ROBO2: variants seen among roughly 807,000 people sequenced by gnomAD.
ROBO2 encodes the protein roundabout homolog 2.
In ROBO2, 53 loss-of-function variants were observed where a neutral mutation model predicts 160.8. The ratio of observed to expected loss-of-function variants is 0.33; its 90% CI spans 0.26 to 0.41. The LOEUF (loss-of-function observed/expected upper bound fraction) is 0.41. Among genes scored for constraint, ROBO2 ranks in the 10% least tolerant of loss-of-function variants. The pLI is 1.00. For missense variants in ROBO2, 1,577 were observed against 1,722.4 expected (o/e 0.92, Z 1.49); for synonymous variants, 664 against 611.7 (o/e 1.09, Z -1.26).
chr3:77,507,820 T>C (rs2088781980), intron 5 of ROBO2, among the ~76,000 whole-genome samples: 1 of 152,108 alleles, frequency 6.6e-6, no homozygotes, highest in Admixed American at 6.6e-5. Flanking sequence ...TTTGTATTTT[T>C]AACAGTAAAT....
intron 2 of ROBO2, among the ~76,000 whole-genome samples, chr3:76,031,336 T>C (rs570649451): frequency 6.6e-6 from 1 of 152,314 alleles, no homozygotes; most frequent in East Asian, 1.9e-4. Context: ...CCTCTTTTCC[T>C]AATTGAATAC....
At chr3:77,448,720 C>T (rs562131252) in intron 2 of ROBO2, among the ~76,000 whole-genome samples, 12 of 151,594 alleles carry the variant, frequency 7.9e-5, no homozygotes, top group Non-Finnish European at 1.5e-4. Flanking sequence ...GGCAGCTTCT[C>T]GGGGGAACTG....
rs184137265 is a variant in ROBO2 at position 76,521,883 on chromosome 3, G to A, written c.110-576131G>A. Among the ~76,000 whole-genome samples the A allele has an allele frequency of 6.7e-4, 102 of 152,212 alleles. No individual in the cohort carries two copies. The Middle Eastern group carries it at 0.01, about 15-fold the overall frequency. On this transcript the variant is annotated intron_variant, in intron 2 of 26. Coordinates refer to the ROBO2 transcript ENST00000487694. ...AGTTTTTTATATATAAACTAGGAAA[G>A]GTGATCAATGTTTATAAGCCACGTG...
chr3:76,616,299 A>T (rs1375050076), intron 2 of ROBO2, among the ~76,000 whole-genome samples: 1 of 152,150 alleles, frequency 6.6e-6, no homozygotes, highest in African/African-American at 2.4e-5. Context: ...ATCTTGGAAA[A>T]TTTTAAAAGC....
chr3:76,046,376 G>A (rs577797931), intron 2 of ROBO2, among the ~76,000 whole-genome samples: 11 of 152,128 alleles, frequency 7.2e-5, no homozygotes, highest in African/African-American at 2.4e-4. Context: ...CTGGCCGGGC[G>A]CGGTGGCTCA....
intron 2 of ROBO2, among the ~76,000 whole-genome samples, chr3:76,142,752 G>T (rs180727409): frequency 6.6e-6 from 1 of 151,880 alleles, no homozygotes; most frequent in Non-Finnish European, 1.5e-5. Flanking sequence ...GCACGATAGG[G>T]TGACTATAGT....
At chr3:76,612,580 C>A (rs2088215985) in intron 2 of ROBO2, among the ~76,000 whole-genome samples, 1 of 152,034 alleles carries the variant, frequency 6.6e-6, no homozygotes, top group Admixed American at 6.6e-5. Flanking sequence ...AACATTAGGA[C>A]AAATACCCAA....
intron 2 of ROBO2, among the ~76,000 whole-genome samples, chr3:76,158,211 T>TA (rs1436451079): frequency 6.6e-6 from 1 of 152,108 alleles, no homozygotes; most frequent in Non-Finnish European, 1.5e-5. Flanking sequence ...TCTCTGCTCT[T>TA]ACTACCATCT....
chr3:76,467,897 A>C (rs1488195167), intron 2 of ROBO2, among the ~76,000 whole-genome samples: 1 of 152,180 alleles, frequency 6.6e-6, no homozygotes, highest in Non-Finnish European at 1.5e-5. Context: ...TTGAGCATTC[A>C]GTGGCAATAT....
At chr3:77,008,130 C>A (rs1018858370) in intron 2 of ROBO2, among the ~76,000 whole-genome samples, 28 of 151,886 alleles carry the variant, frequency 1.8e-4, no homozygotes, top group Non-Finnish European at 3.1e-4. Context: ...ATTATAAAAT[C>A]ATTATGTTCT....
intron 2 of ROBO2, among the ~76,000 whole-genome samples, chr3:76,677,392 C>G (rs1007394588): frequency 6.6e-6 from 1 of 152,164 alleles, no homozygotes; most frequent in African/African-American, 2.4e-5. Flanking sequence ...CTGACTTACT[C>G]TCACTAAATA....
chr3:75,923,192 G>A (rs1399909900), intron 1 of ROBO2, among the ~76,000 whole-genome samples: 7 of 152,108 alleles, frequency 4.6e-5, no homozygotes, highest in Admixed American at 3.9e-4. Flanking sequence ...ATTGGGAAGA[G>A]CTTTTATTTC....
At chr3:77,344,915 A>T (rs1255249877) in intron 2 of ROBO2, among the ~76,000 whole-genome samples, 3 of 152,138 alleles carry the variant, frequency 2.0e-5, no homozygotes, top group Non-Finnish European at 4.4e-5. Flanking sequence ...TAATATAAAG[A>T]ACATTATGAT....
At chr3:77,596,828 A>G in intron 19 of ROBO2, 78 bp downstream of exon 20, 1 of 1,539,482 alleles carries the variant, frequency 6.5e-7, no homozygotes, top group Non-Finnish European at 8.9e-7. Flanking sequence ...GGATTTTTTT[A>G]AAGAAACATA....
intron 2 of ROBO2, among the ~76,000 whole-genome samples, chr3:76,691,783 C>T (rs373074585): frequency 1.3e-4 from 20 of 151,918 alleles, no homozygotes; most frequent in Non-Finnish European, 1.8e-4. Flanking sequence ...TATACCAAAG[C>T]GATGACCTGA....
intron 1 of ROBO2, among the ~76,000 whole-genome samples, chr3:77,070,862 C>T (rs2067336799): frequency 6.6e-6 from 1 of 151,954 alleles, no homozygotes; most frequent in Admixed American, 6.6e-5. Context: ...CAAGGGCAAG[C>T]TTTGTGGGTC....
intron 1 of ROBO2, among the ~76,000 whole-genome samples, chr3:77,059,913 A>G (rs2066122042): frequency 6.6e-6 from 1 of 152,090 alleles, no homozygotes; most frequent in South Asian, 2.1e-4. Flanking sequence ...CATACATTTG[A>G]GACCCTTCAG....
chr3:76,302,929 T>C (rs1576323955), intron 2 of ROBO2, among the ~76,000 whole-genome samples: 3 of 152,142 alleles, frequency 2.0e-5, no homozygotes, highest in Admixed American at 2.0e-4. Flanking sequence ...TATGTATTTA[T>C]AGACAGGAAT....
rs371377232 is a variant in ROBO2, at chr3:76,430,747, T to A, written c.109+493145T>A. Among the ~76,000 whole-genome samples the A allele has an allele frequency of 6.6e-5, 10 of 152,088 alleles. No individual in the cohort carries two copies. The East Asian group carries it at 1.9e-3, about 29-fold the overall frequency. ...TATTTTTCTTTTCAACCCCAGCGTTTAACTCAGTACTTAAGATATAGATAC... is the reference window on the plus strand; with the variant it reads ...TATTTTTCTTTTCAACCCCAGCGTTAAACTCAGTACTTAAGATATAGATAC... On this transcript the variant is annotated intron_variant, in intron 2 of 26. Transcript: ENST00000487694.
Sources: allele counts gnomAD v4.1 joint callset (sites outside exome capture counted in the v4.1 genomes callset), GRCh38; gene constraint gnomAD v4.1.1; transcripts MANE v1.5; gene names NCBI Gene and HGNC (gene_info 2026-07-23, HGNC 2026-07-21).